GFRAL: variants seen among roughly 807,000 people sequenced by gnomAD.
GFRAL encodes GDNF family receptor alpha like.
A neutral mutation model predicts 45.4 loss-of-function variants in GFRAL; 36 were observed. That is an observed-to-expected ratio of 0.79 (90% CI 0.61 to 1.05). GFRAL has a LOEUF of 1.05. GFRAL is among the 50% of genes least tolerant of loss of function. The probability of loss-of-function intolerance (pLI) is 0.00; values close to 1 mark genes in which losing one functional copy is unlikely to be tolerated. For synonymous variants in GFRAL, 166 were observed against 154.1 expected, an observed-to-expected ratio of 1.08 and a Z score of -0.57; for missense variants, 507 against 467.5, an observed-to-expected ratio of 1.08 and a Z score of -0.78.
intron 8 of GFRAL, among the ~76,000 whole-genome samples, chr6:55,400,700 T>C (rs1156870481): frequency 1.3e-5 from 2 of 152,170 alleles, no homozygotes; most frequent in Non-Finnish European, 2.9e-5. Context: ...AGACATTCCG[T>C]GGGTTCTAAG....
At chr6:55,341,522 T>A (rs1392158706) in intron 3 of GFRAL, among the ~76,000 whole-genome samples, 1 of 152,066 alleles carries the variant, frequency 6.6e-6, no homozygotes, top group Non-Finnish European at 1.5e-5. Context: ...ACCCCATCTA[T>A]ACATCACCAT....
At chr6:55,384,055 A>G (rs1465927953) in intron 6 of GFRAL, among the ~76,000 whole-genome samples, 1 of 152,068 alleles carries the variant, frequency 6.6e-6, no homozygotes, top group African/African-American at 2.4e-5. Context: ...TCTCACTCAT[A>G]AGTGAGAGTT....
At chr6:55,389,832 C>T (rs1457354920) in intron 6 of GFRAL, among the ~76,000 whole-genome samples, 2 of 152,292 alleles carry the variant, frequency 1.3e-5, no homozygotes, top group Non-Finnish European at 2.9e-5. Context: ...ACAAAAGGTG[C>T]TAATACCTCA....
intron 5 of GFRAL, among the ~76,000 whole-genome samples, chr6:55,356,881 G>A (rs550700714): frequency 9.2e-5 from 14 of 151,734 alleles, no homozygotes; most frequent in Admixed American, 7.9e-4. Context: ...ACAGGTTTTG[G>A]TATGTTGTTC....
In GFRAL at chr6:55,351,471, C is replaced by G. The variant is rs757721146; in HGVS notation, c.589C>G (p.Pro197Ala). The G allele has an allele frequency of 1.1e-5, 17 of 1,613,424 alleles. No individual in the cohort carries two copies. The highest frequency in any genetic ancestry group is 1.4e-5 in the Non-Finnish European group (17 of 1,179,546). ...TTGTGACTGTGCTCAATCTGATATA[C>G]CTTGTCAGCAGTCCAAAGAAGCTCT... ...AFCDCAQSDI[P>A]CQQSKEALHS... Residue 197 changes from proline (P) to alanine (A), a missense_variant, in exon 5 of 9, where the codon CCT becomes GCT. Coordinates refer to ENST00000340465, the MANE Select transcript of GFRAL (RefSeq NM_207410.2).
intron 6 of GFRAL, among the ~76,000 whole-genome samples, chr6:55,381,984 C>A (rs1348726757): frequency 6.6e-6 from 1 of 151,832 alleles, no homozygotes; most frequent in East Asian, 1.9e-4. Context: ...CTTCATCTAG[C>A]CAAAACCACT....
chr6:55,349,504 C>T (rs1376294859), intron 3 of GFRAL, among the ~76,000 whole-genome samples: 1 of 151,934 alleles, frequency 6.6e-6, no homozygotes, highest in Non-Finnish European at 1.5e-5. Context: ...AGATTTGCAT[C>T]CTCAGTTTGT....
At chr6:55,398,993 T>C (rs1435055005) in intron 6 of GFRAL, among the ~76,000 whole-genome samples, 187 bp from the exon 7 acceptor site, 5 of 152,114 alleles carry the variant, frequency 3.3e-5, no homozygotes, top group Non-Finnish European at 5.9e-5. Flanking sequence ...GGAAATTACC[T>C]GATTAAAAGG....
chr6:55,395,004 A>C (rs933556767), intron 6 of GFRAL, among the ~76,000 whole-genome samples: 1 of 151,872 alleles, frequency 6.6e-6, no homozygotes, highest in Non-Finnish European at 1.5e-5. Flanking sequence ...ACAATTGTGC[A>C]TTCTTTCTGA....
chr6:55,347,760 A>T (rs1176646859), intron 3 of GFRAL, among the ~76,000 whole-genome samples: 1 of 152,056 alleles, frequency 6.6e-6, no homozygotes, highest in Non-Finnish European at 1.5e-5. Context: ...GGCTTCCCAG[A>T]TATTACACTT....
At chr6:55,374,070 G>A (rs1768492452) in intron 6 of GFRAL, among the ~76,000 whole-genome samples, 1 of 152,198 alleles carries the variant, frequency 6.6e-6, no homozygotes, top group Non-Finnish European at 1.5e-5. Flanking sequence ...TCCTGAAAAG[G>A]ATATGATCTC....
intron 5 of GFRAL, among the ~76,000 whole-genome samples, chr6:55,353,882 T>A (rs1346931519): frequency 2.0e-5 from 3 of 152,076 alleles, no homozygotes; most frequent in African/African-American, 4.8e-5. Flanking sequence ...ATTACACTAC[T>A]TTTCTCACCT....
Position 55,331,738 on chromosome 6 carries a change from G to A in GFRAL, c.46G>A (p.Glu16Lys), listed in dbSNP as rs868599487. 1 of 1,609,668 alleles carries A rather than the reference G, an allele frequency of 6.2e-7. No homozygotes were observed. Among genetic ancestry groups the A allele is most frequent in the Non-Finnish European group, 8.5e-7 (1 of 1,178,488 alleles). The change falls in exon 2 of 9, where the codon GAA becomes AAA. Residue 16 changes from glutamate to lysine, a missense_variant. Glu to Lys is a moderately conservative substitution (Grantham distance 56). Transcript: ENST00000340465. ...FLAMGLSLEN[E>K]YTSQTNNCTY... is the part of the protein sequence containing the mutation. ...AGCTATGGGGTTAAGCTTGGAAAAT[G>A]AATACACTTCCCAAACCAATAATTG... is the stretch of plus-strand genomic sequence containing the variant.
chr6:55,359,512 T>G (rs908144631), intron 6 of GFRAL, among the ~76,000 whole-genome samples: 7 of 151,964 alleles, frequency 4.6e-5, no homozygotes, highest in Non-Finnish European at 8.8e-5. Context: ...GATAACCATT[T>G]ATTTGCTCAC....
chr6:55,363,667 T>A (rs1421825147), intron 6 of GFRAL, among the ~76,000 whole-genome samples: 5 of 144,600 alleles, frequency 3.5e-5, no homozygotes, highest in African/African-American at 1.3e-4. Context: ...AATTCCCACC[T>A]ATGAGTGAGA....
chr6:55,381,132 T>G (rs565465001), intron 6 of GFRAL, among the ~76,000 whole-genome samples: 1 of 152,070 alleles, frequency 6.6e-6, no homozygotes, highest in East Asian at 1.9e-4. Context: ...TCCTAACACA[T>G]TTTTGCTCTT....
At chr6:55,360,232 G>A (rs565653501) in intron 6 of GFRAL, among the ~76,000 whole-genome samples, 15 of 151,864 alleles carry the variant, frequency 9.9e-5, no homozygotes, top group African/African-American at 3.1e-4. Context: ...TGCAACCTTC[G>A]ACGTCCCCAA....
intron 6 of GFRAL, among the ~76,000 whole-genome samples, chr6:55,391,834 T>G (rs1465411454): frequency 6.6e-6 from 1 of 152,230 alleles, no homozygotes; most frequent in East Asian, 1.9e-4. Flanking sequence ...AATCCATATC[T>G]GATGTTAACA....
Position 55,366,700 on chromosome 6 carries a change from C to G in GFRAL, c.952+7562C>G, listed in dbSNP as rs1314666783. On this transcript the variant is annotated intron_variant, in intron 6 of 8. Transcript: ENST00000340465. ...TTTCTGCCTTCATTTCGTTATGTAC[C>G]CAGTAGTCATTCAGGAGCAGGTTGT... 4.0e-5 allele frequency among the ~76,000 whole-genome samples: 4 copies of G among 100,024 alleles called. No individual in the cohort carries two copies. In the East Asian group the frequency reaches 9.1e-4, roughly 23 times the overall value. 65.6% of individuals were successfully genotyped at this position (100,024 alleles called of 152,430 possible).
Sources: gnomAD v4.1 joint callset for allele counts (sites outside exome capture counted in the v4.1 genomes callset) on GRCh38, gnomAD v4.1.1 for gene constraint, MANE v1.5 for transcripts, NCBI Gene and HGNC (gene_info 2026-07-23, HGNC 2026-07-21) for gene names.